The following EDIL3 variants were observed in gnomAD, a reference collection of about 807,000 sequenced individuals.
EDIL3 encodes the protein EGF like and discoidin domains 3.
EDIL3 carries 37 observed loss-of-function variants against 67.4 expected under a neutral mutation model. The observed-to-expected ratio is 0.55, with a 90% CI of 0.42 to 0.72. EDIL3 has a LOEUF of 0.72. Among genes scored for constraint, EDIL3 ranks in the 30% least tolerant of loss-of-function variants. The pLI is 0.00. For synonymous variants in EDIL3, 195 were observed against 196.3 expected, an observed-to-expected ratio of 0.99 and a Z score of 0.05; for missense variants, 527 against 586.3, an observed-to-expected ratio of 0.90 and a Z score of 1.04.
chr5:84,066,220 T>C (rs1271259555), intron 7 of EDIL3, among the ~76,000 whole-genome samples: 1 of 151,902 alleles, frequency 6.6e-6, no homozygotes, highest in African/African-American at 2.4e-5. Context: ...TGTGTCAAAG[T>C]ATTTGTAGCA....
intron 9 of EDIL3, among the ~76,000 whole-genome samples, chr5:83,973,224 G>A (rs1744822331): frequency 6.6e-6 from 1 of 151,966 alleles, no homozygotes; most frequent in Non-Finnish European, 1.5e-5. Context: ...AAAAAATTCA[G>A]GGTGGTGGTT....
rs568768490 is a variant in EDIL3 at position 84,337,974 on chromosome 5, C to T, written c.67+46334G>A. 1.4e-4 allele frequency among the ~76,000 whole-genome samples: 21 copies of T among 152,070 alleles called. No homozygotes were observed. The South Asian group carries it at 3.7e-3, about 27-fold the overall frequency. On this transcript the variant is annotated intron_variant, in intron 1 of 10. Transcript: ENST00000296591. ...TTTAAGACACGCTTCTGTGTTTCTC[C>T]GAATTTTCATGACTATTATTAAATA...
At position 84,208,782 on chromosome 5, in the gene EDIL3, G is replaced by A. The variant is rs1744047514; in HGVS notation, c.226+21073C>T. ...ACACTTTTACACTGTTGGTGGGACTGTAAACTAGTTCAACCATTGTGGAAG... is the reference window on the plus strand; with the variant it reads ...ACACTTTTACACTGTTGGTGGGACTATAAACTAGTTCAACCATTGTGGAAG... On this transcript the variant is annotated intron_variant, in intron 3 of 10. Coordinates refer to ENST00000296591, the MANE Select transcript of EDIL3 (RefSeq NM_005711.5). Among the ~76,000 whole-genome samples the A allele has an allele frequency of 2.0e-5, 3 of 149,908 alleles. No individual in the cohort carries two copies. The South Asian group carries it at 6.3e-4, about 32-fold the overall frequency.
chr5:84,208,375 G>A (rs1455683155), intron 3 of EDIL3, among the ~76,000 whole-genome samples: 12 of 152,010 alleles, frequency 7.9e-5, no homozygotes, highest in African/African-American at 1.9e-4. Flanking sequence ...TTACAATGGC[G>A]ATCATTAAAA....
rs397881707 is a variant in EDIL3, at chr5:84,154,693, CTTTTT to C, written c.356-17344_356-17340del. Among the ~76,000 whole-genome samples, 38 of 92,316 alleles carry C rather than the reference CTTTTT, an allele frequency of 4.1e-4. No homozygotes were observed. In the Admixed American group the frequency reaches 5.0e-3, roughly 12 times the overall value. The allele number at this position is 92,316 out of a possible 152,430, so 60.6% of individuals were successfully genotyped here. On this transcript the variant is annotated intron_variant, in intron 4 of 10. Coordinates refer to ENST00000296591, the MANE Select transcript of EDIL3 (RefSeq NM_005711.5). ...CTCCTGGAGCCCTCTTCTGCTTCTG[CTTTTT>C]TTTTTTTTTTTTTTTTTTAAAGACA...
At chr5:84,056,326 T>A (rs1746446130) in intron 9 of EDIL3, among the ~76,000 whole-genome samples, 1 of 141,586 alleles carries the variant, frequency 7.1e-6, no homozygotes, top group Admixed American at 7.0e-5. Flanking sequence ...TGTTGTGGGG[T>A]GGGGTGAGGG....
intron 4 of EDIL3, among the ~76,000 whole-genome samples, chr5:84,154,288 C>A (rs1748451530): frequency 6.6e-6 from 1 of 151,920 alleles, no homozygotes; most frequent in Non-Finnish European, 1.5e-5. Context: ...TAGGGAGGGG[C>A]AAAGAATTGG....
intron 3 of EDIL3, among the ~76,000 whole-genome samples, chr5:84,182,031 G>C (rs903265524): frequency 6.6e-6 from 1 of 152,030 alleles, no homozygotes; most frequent in Non-Finnish European, 1.5e-5. Flanking sequence ...TAGAAGAGCT[G>C]GACAAATGAA....
At chr5:84,226,924 T>C (rs1262589214) in intron 3 of EDIL3, among the ~76,000 whole-genome samples, 3 of 151,972 alleles carry the variant, frequency 2.0e-5, no homozygotes, top group Non-Finnish European at 4.4e-5. Flanking sequence ...AGAGAAGTTA[T>C]GAAAATAGAT....
intron 9 of EDIL3, among the ~76,000 whole-genome samples, chr5:83,990,922 T>TA (rs936855905): frequency 1.6e-4 from 20 of 124,220 alleles, no homozygotes; most frequent in African/African-American, 6.1e-4. Context: ...AATAAATAAA[T>TA]AAATAAAATA....
chr5:84,278,470 C>T (rs1745631335), intron 1 of EDIL3, among the ~76,000 whole-genome samples: 1 of 152,088 alleles, frequency 6.6e-6, no homozygotes, highest in South Asian at 2.1e-4. Flanking sequence ...ATGGTAATAG[C>T]TAAAAACTCT....
intron 5 of EDIL3, among the ~76,000 whole-genome samples, chr5:84,123,608 T>G (rs1375695161): frequency 6.6e-6 from 1 of 151,924 alleles, no homozygotes; most frequent in Non-Finnish European, 1.5e-5. Context: ...TTAACTCCCA[T>G]TTCTCAAAAG....
At chr5:84,044,454 C>T (rs1746186037) in intron 9 of EDIL3, among the ~76,000 whole-genome samples, 2 of 151,994 alleles carry the variant, frequency 1.3e-5, no homozygotes, top group Admixed American at 1.3e-4. Flanking sequence ...TTGGAAAATG[C>T]TGATACAATT....
intron 6 of EDIL3, among the ~76,000 whole-genome samples, chr5:84,083,436 C>A (rs1747013347): frequency 6.6e-6 from 1 of 152,068 alleles, no homozygotes. Context: ...CCTGTCTTGA[C>A]CCCAGGATGT....
intron 1 of EDIL3, among the ~76,000 whole-genome samples, chr5:84,339,601 C>A (rs192764074): frequency 1.8e-5 from 2 of 113,828 alleles, no homozygotes; most frequent in Non-Finnish European, 4.1e-5. Context: ...TTTTAAAATA[C>A]TGTGTTTTTT....
In EDIL3 at chr5:84,115,592, A is replaced by T. The variant is rs372283862; in HGVS notation, c.470-8762T>A. 7.9e-5 allele frequency among the ~76,000 whole-genome samples: 12 copies of T among 152,334 alleles called. No homozygotes were observed. The South Asian group carries it at 2.5e-3, about 32-fold the overall frequency. Reference sequence around the variant, plus strand: ...TCTAAGACGATTATCCTCTTATCACAGTAAACAGTTCTGCTGTAGGACAAC... The same window carrying T: ...TCTAAGACGATTATCCTCTTATCACTGTAAACAGTTCTGCTGTAGGACAAC... On this transcript the variant is annotated intron_variant, in intron 5 of 10. Transcript: ENST00000296591.
intron 6 of EDIL3, among the ~76,000 whole-genome samples, chr5:84,095,360 A>G (rs1322453806): frequency 2.0e-5 from 3 of 152,304 alleles, no homozygotes; most frequent in South Asian, 2.1e-4. Context: ...AAAAAGACAG[A>G]AAAACATAGG....
At chr5:84,082,824 T>C (rs1746994515) in intron 6 of EDIL3, among the ~76,000 whole-genome samples, 1 of 152,152 alleles carries the variant, frequency 6.6e-6, no homozygotes, top group Non-Finnish European at 1.5e-5. Context: ...GTTGTTACTA[T>C]AGACCTAAAG....
chr5:84,038,972 C>T (rs1304494857), intron 9 of EDIL3, among the ~76,000 whole-genome samples: 2 of 152,300 alleles, frequency 1.3e-5, no homozygotes, highest in Non-Finnish European at 2.9e-5. Context: ...TTCAGCCTTT[C>T]AACAGCCCTC....
Sources: allele counts gnomAD v4.1 joint callset (sites outside exome capture counted in the v4.1 genomes callset), GRCh38; gene constraint gnomAD v4.1.1; transcripts MANE v1.5; gene names NCBI Gene and HGNC (gene_info 2026-07-23, HGNC 2026-07-21).